The following MRTFB variants were observed in gnomAD, a reference collection of about 807,000 sequenced individuals.
MRTFB encodes the protein myocardin related transcription factor B.
MRTFB carries 29 observed loss-of-function variants against 104.2 expected under a neutral mutation model. The ratio of observed to expected loss-of-function variants is 0.28; its 90% CI spans 0.21 to 0.38. The LOEUF is 0.38. MRTFB is among the 10% of genes least tolerant of loss of function. The pLI, the probability that MRTFB is intolerant of heterozygous loss-of-function variation, is 1.00. For missense variants in MRTFB, 1,270 were observed against 1,341.6 expected, an observed-to-expected ratio of 0.95 and a Z score of 0.83; for synonymous variants, 535 against 519.5, an observed-to-expected ratio of 1.03 and a Z score of -0.41.
intron 3 of MRTFB, among the ~76,000 whole-genome samples, chr16:14,153,903 C>T (rs1161835349): frequency 6.6e-6 from 1 of 152,080 alleles, no homozygotes; most frequent in Non-Finnish European, 1.5e-5. Context: ...AAACTCCAAC[C>T]ACCAACATGG....
rs80161139 is a variant in MRTFB, at chr16:14,250,629, T to C, written c.2404-1233T>C. Among the ~76,000 whole-genome samples the C allele has an allele frequency of 3.6e-3, 552 of 152,296 alleles. 2 individuals are homozygous for C. The highest frequency in any genetic ancestry group is 0.013 in the African/African-American group (527 of 41,568). On this transcript the variant is annotated intron_variant, in intron 13 of 16. Coordinates refer to ENST00000571589, the MANE Select transcript of MRTFB (RefSeq NM_001308142.2). ...GTAGGATGGAAAGGGGGCCAGGTAG[T>C]AAGAAGCTTACATGCCAGCCAAAGA...
the MRTFB span, among the ~76,000 whole-genome samples, chr16:14,033,453 G>A: frequency 2.6e-5 from 4 of 152,038 alleles, no homozygotes; most frequent in Admixed American, 6.6e-5. Context: ...AGGCTGAAGC[G>A]GGAGGATTGC....
chr16:14,188,569 A>G (rs1488545086), intron 3 of MRTFB, among the ~76,000 whole-genome samples: 1 of 152,198 alleles, frequency 6.6e-6, no homozygotes, highest in African/African-American at 2.4e-5. Context: ...TTTCCCTAAC[A>G]ATTCTGACTA....
At chr16:14,218,739 A>T in intron 7 of MRTFB, 81 bp from the exon 8 acceptor site, 1 of 1,393,812 alleles carries the variant, frequency 7.2e-7, no homozygotes, top group Non-Finnish European at 9.7e-7. Flanking sequence ...TTTTCATAGG[A>T]AACAATGTTT....
chr16:14,139,035 C>T (rs1235652405), intron 2 of MRTFB, among the ~76,000 whole-genome samples: 2 of 151,872 alleles, frequency 1.3e-5, no homozygotes, highest in Non-Finnish European at 2.9e-5. Flanking sequence ...TTAGCTACAG[C>T]AACAAAAACA....
At chr16:14,243,908 G>A (rs1412068632) in intron 10 of MRTFB, among the ~76,000 whole-genome samples, 1 of 137,634 alleles carries the variant, frequency 7.3e-6, no homozygotes, top group Non-Finnish European at 1.5e-5. Context: ...CGCCCAGGCT[G>A]GAGTGCAGTG....
chr16:14,150,296 A>G (rs184628407), intron 3 of MRTFB, among the ~76,000 whole-genome samples: 1 of 152,308 alleles, frequency 6.6e-6, no homozygotes, highest in East Asian at 1.9e-4. Context: ...CAAGCACATA[A>G]TTAGCACTTT....
intron 2 of MRTFB, among the ~76,000 whole-genome samples, chr16:14,120,497 A>G (rs2036789361): frequency 6.6e-6 from 1 of 152,184 alleles, no homozygotes; most frequent in Non-Finnish European, 1.5e-5. Flanking sequence ...AAAATTTTCC[A>G]CGTGAGTAAA....
At chr16:13,999,443 C>T in the MRTFB span, among the ~76,000 whole-genome samples, 1 of 147,634 alleles carries the variant, frequency 6.8e-6, no homozygotes, top group Non-Finnish European at 1.5e-5. Flanking sequence ...CTGGGATGGG[C>T]ACAGAACCCA....
At chr16:14,151,556 G>A (rs1297417200) in intron 3 of MRTFB, 1 of 152,110 alleles carries the variant, frequency 6.6e-6, no homozygotes, top group African/African-American at 2.4e-5. Context: ...ATTTCTTTTG[G>A]TCGTCCCAGT....
intron 2 of MRTFB, among the ~76,000 whole-genome samples, chr16:14,119,490 C>T (rs1333737798): frequency 6.6e-6 from 1 of 152,106 alleles, no homozygotes; most frequent in Non-Finnish European, 1.5e-5. Context: ...ATCAGTCTCT[C>T]AAAATTTCAC....
chr16:14,118,490 T>G (rs2036662223), intron 2 of MRTFB, among the ~76,000 whole-genome samples: 3 of 151,720 alleles, frequency 2.0e-5, no homozygotes, highest in Admixed American at 1.3e-4. Flanking sequence ...AGTGTGTGTT[T>G]GTATCTCCCA....
In MRTFB at chr16:14,086,433, T is replaced by A. The variant is rs565810033; in HGVS notation, c.-64+7079T>A. 4.8e-4 allele frequency among the ~76,000 whole-genome samples: 73 copies of A among 152,328 alleles called. No homozygotes were observed. In the South Asian group the frequency reaches 7.2e-3, roughly 15 times the overall value. The stretch of plus-strand genomic sequence containing the variant: ...ATTGATTAAATAATCCCCTAGCAAT[T>A]TTTATTTGCACTTTAGTTTGCTTAG... On this transcript the variant is annotated intron_variant, in intron 2 of 16. Coordinates refer to ENST00000571589, the MANE Select transcript of MRTFB (RefSeq NM_001308142.2).
chr16:14,255,227 A>C (rs1386553921), intron 15 of MRTFB, among the ~76,000 whole-genome samples: 1 of 152,256 alleles, frequency 6.6e-6, no homozygotes, highest in African/African-American at 2.4e-5. Context: ...AGAACTGAAG[A>C]GGCAAATATT....
At position 14,243,864 on chromosome 16, in the gene MRTFB, G is replaced by GTTTGTTTTTTTTTT. The variant is rs750881308; in HGVS notation, c.1080-1661_1080-1660insGTTTTTTTTTTTTT. Among the ~76,000 whole-genome samples the GTTTGTTTTTTTTTT allele has an allele frequency of 1.0e-3, 127 of 124,632 alleles. 7 individuals are homozygous for GTTTGTTTTTTTTTT. The highest frequency in any genetic ancestry group is 4.5e-3 in the African/African-American group (120 of 26,462). The allele number at this position is 124,632 out of a possible 152,430, so 81.8% of individuals were successfully genotyped here. A position where few individuals can be genotyped will look rare whatever the true frequency, so the allele number is the denominator to read the frequency against. ...CAGAGATTAGTTTTGCCTGTTTTGG[G>GTTTGTTTTTTTTTT]TTTTTTTTTTTTTGAGACAGAGTCT... On this transcript the variant is annotated intron_variant, in intron 10 of 16. Transcript: ENST00000571589.
intron 3 of MRTFB, among the ~76,000 whole-genome samples, chr16:14,183,516 T>C (rs866730413): frequency 2.0e-5 from 3 of 152,188 alleles, no homozygotes; most frequent in Admixed American, 1.3e-4. Context: ...TGTGTTTGTT[T>C]TTTTTCTTAT....
At chr16:14,012,794 C>T in the MRTFB span, among the ~76,000 whole-genome samples, 2 of 152,162 alleles carry the variant, frequency 1.3e-5, no homozygotes, top group African/African-American at 4.8e-5. Flanking sequence ...ACTCTAACCC[C>T]TCTGCCTCAG....
At chr16:14,184,830 C>G (rs1332428965) in intron 3 of MRTFB, among the ~76,000 whole-genome samples, 1 of 152,210 alleles carries the variant, frequency 6.6e-6, no homozygotes, top group African/African-American at 2.4e-5. Flanking sequence ...CATAGACAGA[C>G]TTGGGCTTTA....
At chr16:14,031,911 G>A in the MRTFB span, among the ~76,000 whole-genome samples, 12 of 152,104 alleles carry the variant, frequency 7.9e-5, no homozygotes, top group African/African-American at 2.7e-4. Flanking sequence ...GGGTTCATGC[G>A]ATTCTCTTGC....
Sources: allele counts gnomAD v4.1 joint callset (sites outside exome capture counted in the v4.1 genomes callset), GRCh38; gene constraint gnomAD v4.1.1; transcripts MANE v1.5; gene names NCBI Gene and HGNC (gene_info 2026-07-23, HGNC 2026-07-21).